The following MGST3 variants were observed in gnomAD, a reference collection of about 807,000 sequenced individuals.
The protein encoded by MGST3 is glutathione S-transferase 3, mitochondrial.
Under a neutral mutation model 15.8 loss-of-function variants are expected in MGST3, and 13 were observed. That is an observed-to-expected ratio of 0.82 (90% CI 0.54 to 1.31). MGST3 has a LOEUF of 1.31. MGST3 is among the 50% of genes most tolerant of loss of function. The probability of loss-of-function intolerance (pLI) is 0.00; values close to 1 mark genes in which losing one functional copy is unlikely to be tolerated. For missense variants in MGST3, 155 were observed against 192.4 expected, an observed-to-expected ratio of 0.81 and a Z score of 1.15; for synonymous variants, 49 against 68.1, an observed-to-expected ratio of 0.72 and a Z score of 1.38.
At chr1:165,645,661 A>C (rs1024842968) in intron 1 of MGST3, 2 of 152,114 alleles carry the variant, frequency 1.3e-5, no homozygotes, top group African/African-American at 4.8e-5. Flanking sequence ...CACCACAAAC[A>C]TGTGGATGAT....
At position 165,649,823 on chromosome 1, in the gene MGST3, G is replaced by A. The variant is rs373273682; in HGVS notation, c.-7-18G>A. The A allele has an allele frequency of 7.9e-5, 128 of 1,613,762 alleles. 1 individual carries two copies. Among genetic ancestry groups the A allele is most frequent in the Middle Eastern group, 3.4e-4 (2 of 5,804 alleles). On this transcript the variant is annotated intron_variant, in intron 1 of 5. Coordinates refer to ENST00000367889, the MANE Select transcript of MGST3 (RefSeq NM_004528.4). Reference sequence around the variant, plus strand: ...CCACAGTGCTGGGGGCCGTCCCAACGTGTTCTTTCTTCCACAGACGCAAGA... The same window carrying A: ...CCACAGTGCTGGGGGCCGTCCCAACATGTTCTTTCTTCCACAGACGCAAGA...
chr1:165,635,854 T>A (rs1648096880), intron 1 of MGST3: 1 of 152,196 alleles, frequency 6.6e-6, no homozygotes, highest in African/African-American at 2.4e-5. Context: ...AGGACCTGCT[T>A]GCTGCTATTT....
intron 1 of MGST3, among the ~76,000 whole-genome samples, chr1:165,640,454 A>G (rs1188246412): frequency 1.3e-5 from 2 of 152,052 alleles, no homozygotes; most frequent in South Asian, 2.1e-4. Flanking sequence ...GTGGTTTTGA[A>G]TCAGATAGAA....
Position 165,647,803 on chromosome 1 carries a change from G to A in MGST3, c.-7-2038G>A, listed in dbSNP as rs899141259. 7 of 151,334 alleles carry A rather than the reference G, an allele frequency of 4.6e-5. No homozygotes were observed. In the East Asian group the frequency reaches 1.2e-3, roughly 25 times the overall value. The allele number at this position is 151,334 out of a possible 1,614,324, so 9.4% of individuals were successfully genotyped here. A position where few individuals can be genotyped will look rare whatever the true frequency, so the allele number is the denominator to read the frequency against. ...GGTGGTGCAATCATAGCTCACTACA[G>A]CCTCAGCCTCCTGGGCTCAGGTGAT... On this transcript the variant is annotated intron_variant, in intron 1 of 5. Coordinates refer to ENST00000367889, the MANE Select transcript of MGST3 (RefSeq NM_004528.4).
chr1:165,648,272 G>A (rs796338413), intron 1 of MGST3, among the ~76,000 whole-genome samples: 59 of 152,372 alleles, frequency 3.9e-4, no homozygotes, highest in African/African-American at 1.4e-3. Flanking sequence ...CAGCGGGCAT[G>A]CCTCAGAGAG....
At chr1:165,641,773 T>C (rs1056429993) in intron 1 of MGST3, among the ~76,000 whole-genome samples, 1 of 152,226 alleles carries the variant, frequency 6.6e-6, no homozygotes, top group African/African-American at 2.4e-5. Flanking sequence ...ATTCCTGCTA[T>C]CTCTAGTCTT....
intron 1 of MGST3, among the ~76,000 whole-genome samples, chr1:165,639,143 C>T (rs1374959266): frequency 1.3e-5 from 2 of 152,250 alleles, no homozygotes; most frequent in African/African-American, 4.8e-5. Context: ...GGCCCTGGCT[C>T]TGTTTCTCTC....
chr1:165,635,267 T>G (rs1353063978), intron 1 of MGST3, among the ~76,000 whole-genome samples: 2 of 152,128 alleles, frequency 1.3e-5, no homozygotes, highest in Admixed American at 6.5e-5. Flanking sequence ...GGAAAGTTTG[T>G]CCTTATACCT....
chr1:165,633,909 A>T (rs1648028783), intron 1 of MGST3, among the ~76,000 whole-genome samples: 1 of 152,012 alleles, frequency 6.6e-6, no homozygotes, highest in Non-Finnish European at 1.5e-5. Context: ...GCAAACCTAT[A>T]TGCCTGAAAG....
In MGST3 at chr1:165,649,891, G is replaced by C; in HGVS notation, c.44G>C (p.Gly15Ala). 1 of 1,614,130 alleles carries C rather than the reference G, an allele frequency of 6.2e-7. No homozygotes were observed. The highest frequency in any genetic ancestry group is 8.5e-7 in the Non-Finnish European group (1 of 1,180,040). The stretch of plus-strand genomic sequence containing the variant: ...GAATATGGTTTTGTGCTTCTAACTG[G>C]TGCTGCCAGCTTTATAATGGTGGCC... ...SKEYGFVLLT[G>A]AASFIMVAHL... is the part of the protein sequence containing the mutation. Residue 15 changes from glycine (G) to alanine (A), a missense_variant, in exon 2 of 6, where the codon GGT becomes GCT. Gly to Ala is a moderately conservative substitution (Grantham distance 60, BLOSUM62 0). Transcript: ENST00000367889.
intron 4 of MGST3, chr1:165,654,039 T>C (rs922188378): frequency 3.6e-5 from 18 of 494,690 alleles, no homozygotes; most frequent in African/African-American, 3.5e-4. Context: ...ATCCCACCTG[T>C]CTAGGAGAAG....
chr1:165,650,768 T>C (rs990092263), intron 2 of MGST3: 1 of 515,188 alleles, frequency 1.9e-6, no homozygotes, highest in Non-Finnish European at 3.5e-6. Context: ...CAAAGCTGCC[T>C]CTTTCCCTTG....
chr1:165,652,146 G>A, intron 4 of MGST3, 111 bp downstream of exon 4: 5 of 811,028 alleles, frequency 6.2e-6, no homozygotes, highest in Non-Finnish European at 1.1e-5. Flanking sequence ...TCTAGGCACT[G>A]CATATTTAAA....
rs1393863601 is a variant in MGST3 at position 165,655,834 on chromosome 1, T to C, written c.*330T>C. The stretch of plus-strand genomic sequence containing the variant: ...AAAAATTAAAGAAAAATCTTCTAGC[T>C]CTCAGGATATGCATTATCACTTGCT... On this transcript the variant is annotated 3_prime_UTR_variant, in exon 6 of 6. Transcript: ENST00000367889. 1 of 331,204 alleles carries C rather than the reference T, an allele frequency of 3.0e-6. No homozygotes were observed. Among genetic ancestry groups the C allele is most frequent in the Non-Finnish European group, 5.7e-6 (1 of 174,494 alleles). The allele number at this position is 331,204 out of a possible 1,614,324, so 20.5% of individuals were successfully genotyped here. A position where few individuals can be genotyped will look rare whatever the true frequency, so the allele number is the denominator to read the frequency against.
chr1:165,631,838 C>T (rs1237208157), intron 1 of MGST3, among the ~76,000 whole-genome samples: 8 of 152,218 alleles, frequency 5.3e-5, no homozygotes. Flanking sequence ...TTGTTTTCCT[C>T]CTGCCTCTTA....
intron 5 of MGST3, among the ~76,000 whole-genome samples, chr1:165,654,719 A>AT: frequency 6.6e-6 from 1 of 151,836 alleles, no homozygotes. Flanking sequence ...ATGCTACTAT[A>AT]TTTTTTTTCT....
intron 1 of MGST3, chr1:165,645,939 C>CCTTTTAATAAA (rs1648385645): frequency 6.6e-6 from 1 of 152,200 alleles, no homozygotes; most frequent in African/African-American, 2.4e-5. Context: ...TATTAAAGTT[C>CCTTTTAATAAA]AGCTCAGAAA....
chr1:165,634,242 C>G (rs187869382), intron 1 of MGST3, among the ~76,000 whole-genome samples: 9 of 152,238 alleles, frequency 5.9e-5, no homozygotes, highest in Admixed American at 5.9e-4. Flanking sequence ...AGAGCACAAA[C>G]TGGAGCCAGA....
Position 165,655,673 on chromosome 1 carries a change from C to T in MGST3, c.*169C>T. On this transcript the variant is annotated 3_prime_UTR_variant, in exon 6 of 6. Transcript: ENST00000367889. ...TTGAGTCTGTATCTGAAATCAGTAG[C>T]CTAGTCCTACTAGATGAGAAAGGAG... 1.3e-6 allele frequency: 1 copy of T among 771,524 alleles called. No individual in the cohort carries two copies. The highest frequency in any genetic ancestry group is 1.8e-5 in the African/African-American group (1 of 56,608). 47.8% of individuals were successfully genotyped at this position (771,524 alleles called of 1,614,324 possible).
Sources: gnomAD v4.1 joint callset for allele counts (sites outside exome capture counted in the v4.1 genomes callset) on GRCh38, gnomAD v4.1.1 for gene constraint, MANE v1.5 for transcripts, NCBI Gene and HGNC (gene_info 2026-07-23, HGNC 2026-07-21) for gene names.